CDH12: variants seen among roughly 807,000 people sequenced by gnomAD.
CDH12 encodes the protein cadherin 12.
In CDH12, 41 loss-of-function variants were observed where a neutral mutation model predicts 74.1. The ratio of observed to expected loss-of-function variants is 0.55; its 90% CI spans 0.43 to 0.72. The LOEUF is 0.72. Ranked by LOEUF, CDH12 falls within the 30% of genes least tolerant of loss-of-function variation. CDH12 has a pLI of 0.00. For missense variants in CDH12, 945 were observed against 977.2 expected (o/e 0.97, Z 0.44); for synonymous variants, 399 against 355.0 (o/e 1.12, Z -1.39).
At chr5:22,399,833 TGTAAA>T (rs1279412396) in intron 3 of CDH12, among the ~76,000 whole-genome samples, 1 of 151,720 alleles carries the variant, frequency 6.6e-6, no homozygotes, top group Non-Finnish European at 1.5e-5. Flanking sequence ...AATTTACAGA[TGTAAA>T]GTAAATTTTT....
chr5:22,001,648 G>A (rs907509668), intron 5 of CDH12, among the ~76,000 whole-genome samples: 6 of 151,826 alleles, frequency 4.0e-5, no homozygotes, highest in African/African-American at 1.2e-4. Context: ...CCTTCCCTCT[G>A]CCCTCGAGTA....
intron 1 of CDH12, among the ~76,000 whole-genome samples, chr5:22,551,472 C>T (rs1285417115): frequency 6.6e-6 from 1 of 152,002 alleles, no homozygotes; most frequent in Non-Finnish European, 1.5e-5. Context: ...ACCCAACCTT[C>T]ACATGGCCCA....
chr5:22,746,654 A>G (rs1380846643), intron 1 of CDH12, among the ~76,000 whole-genome samples: 2 of 152,238 alleles, frequency 1.3e-5, no homozygotes, highest in African/African-American at 2.4e-5. Context: ...TATAACAGCC[A>G]TAAGTATTAC....
chr5:22,828,412 A>C (rs951937808), intron 1 of CDH12, among the ~76,000 whole-genome samples: 17 of 152,208 alleles, frequency 1.1e-4, no homozygotes, highest in Admixed American at 5.9e-4. Flanking sequence ...TAAAAATGTC[A>C]CTGGGATCTG....
chr5:22,123,105 T>C (rs1745621273), intron 4 of CDH12, among the ~76,000 whole-genome samples: 1 of 152,232 alleles, frequency 6.6e-6, no homozygotes, highest in Non-Finnish European at 1.5e-5. Context: ...GATACATTGA[T>C]ATCCTAACAT....
chr5:22,345,976 C>T (rs867429983), intron 3 of CDH12, among the ~76,000 whole-genome samples: 3 of 151,760 alleles, frequency 2.0e-5, no homozygotes, highest in Admixed American at 6.6e-5. Flanking sequence ...TGTGGTGGCA[C>T]ACATCTGTAA....
intron 5 of CDH12, among the ~76,000 whole-genome samples, chr5:22,000,889 T>C (rs1736566971): frequency 6.6e-6 from 1 of 152,172 alleles, no homozygotes; most frequent in Non-Finnish European, 1.5e-5. Context: ...CAATAGACTT[T>C]TTACTTTGCA....
intron 1 of CDH12, among the ~76,000 whole-genome samples, chr5:22,830,987 A>G (rs1346474817): frequency 6.6e-6 from 1 of 151,908 alleles, no homozygotes; most frequent in Non-Finnish European, 1.5e-5. Context: ...TATATAATTT[A>G]TGAAGCCTAT....
At chr5:21,913,779 G>A (rs531888817) in intron 6 of CDH12, among the ~76,000 whole-genome samples, 3 of 152,056 alleles carry the variant, frequency 2.0e-5, no homozygotes, top group South Asian at 2.1e-4. Context: ...GAGCACAAGC[G>A]AGCCTCCCAC....
At chr5:21,994,739 G>C (rs1414475590) in intron 5 of CDH12, among the ~76,000 whole-genome samples, 1 of 152,140 alleles carries the variant, frequency 6.6e-6, no homozygotes, top group Non-Finnish European at 1.5e-5. Context: ...GTGAGACTTG[G>C]AGAACTTTTC....
chr5:22,830,011 T>G (rs1736517187), intron 1 of CDH12, among the ~76,000 whole-genome samples: 1 of 152,222 alleles, frequency 6.6e-6, no homozygotes, highest in Admixed American at 6.5e-5. Context: ...TATATAATAT[T>G]TTCATTATAT....
intron 6 of CDH12, among the ~76,000 whole-genome samples, chr5:21,933,657 GA>G (rs947738425): frequency 2.0e-5 from 3 of 152,188 alleles, no homozygotes; most frequent in Non-Finnish European, 4.4e-5. Flanking sequence ...GGTGGAAAGA[GA>G]AAATTTGTCA....
At chr5:22,013,311 T>G (rs1580112900) in intron 5 of CDH12, among the ~76,000 whole-genome samples, 2 of 152,068 alleles carry the variant, frequency 1.3e-5, no homozygotes, top group East Asian at 3.9e-4. Flanking sequence ...GAGAACTCAC[T>G]CACTATCACA....
intron 2 of CDH12, among the ~76,000 whole-genome samples, chr5:22,440,052 C>A (rs1256610885): frequency 1.3e-5 from 2 of 152,004 alleles, no homozygotes; most frequent in Non-Finnish European, 2.9e-5. Context: ...GAAGCTAAAA[C>A]CCATATCACA....
At chr5:22,536,288 C>G (rs1017187804) in intron 1 of CDH12, among the ~76,000 whole-genome samples, 1 of 152,204 alleles carries the variant, frequency 6.6e-6, no homozygotes, top group Non-Finnish European at 1.5e-5. Context: ...AACAAATGGT[C>G]ACCAGAGTAT....
chr5:21,856,953 A>T (rs1326791350), intron 6 of CDH12, among the ~76,000 whole-genome samples: 1 of 151,900 alleles, frequency 6.6e-6, no homozygotes, highest in African/African-American at 2.4e-5. Context: ...AAAAGTTCTT[A>T]AAGATTGCCT....
At chr5:22,492,087 A>T (rs440188) in intron 2 of CDH12, among the ~76,000 whole-genome samples, 1 of 152,036 alleles carries the variant, frequency 6.6e-6, no homozygotes, top group Non-Finnish European at 1.5e-5. Flanking sequence ...ACACAAAATT[A>T]AGCCCATAAC....
At chr5:22,628,015 A>G (rs866654351) in intron 1 of CDH12, among the ~76,000 whole-genome samples, 2 of 152,172 alleles carry the variant, frequency 1.3e-5, no homozygotes, top group African/African-American at 2.4e-5. Context: ...AGGGTATTAC[A>G]TAATGGTAAA....
intron 3 of CDH12, among the ~76,000 whole-genome samples, chr5:22,248,581 T>G (rs932350172): frequency 6.6e-6 from 1 of 152,082 alleles, no homozygotes; most frequent in South Asian, 2.1e-4. Context: ...GATACCACAC[T>G]TTGGACTAAT....
Sources: allele counts gnomAD v4.1 joint callset (sites outside exome capture counted in the v4.1 genomes callset), GRCh38; gene constraint gnomAD v4.1.1; transcripts MANE v1.5; gene names NCBI Gene and HGNC (gene_info 2026-07-23, HGNC 2026-07-21).